PHACTR1: variants seen among roughly 807,000 people sequenced by gnomAD.
PHACTR1 encodes the protein RPEL repeat containing 1.
Under a neutral mutation model 69.2 loss-of-function variants are expected in PHACTR1, and 16 were observed. That is an observed-to-expected ratio of 0.23 (90% CI 0.16 to 0.35). The LOEUF is 0.35. Ranked by LOEUF, PHACTR1 falls within the 10% of genes least tolerant of loss-of-function variation. The pLI is 1.00. For synonymous variants in PHACTR1, 312 were observed against 284.5 expected (o/e 1.10, Z -0.97); for missense variants, 510 against 734.7 (o/e 0.69, Z 3.54).
intron 4 of PHACTR1, among the ~76,000 whole-genome samples, chr6:12,755,617 T>C (rs998822325): frequency 1.3e-5 from 2 of 151,982 alleles, no homozygotes; most frequent in Admixed American, 6.5e-5. Flanking sequence ...ATATTAGTTA[T>C]ATTTTTAATT....
At chr6:12,950,636 C>G (rs548780910) in intron 4 of PHACTR1, among the ~76,000 whole-genome samples, 3 of 152,322 alleles carry the variant, frequency 2.0e-5, no homozygotes, top group Admixed American at 2.0e-4. Flanking sequence ...ACAAAAGGGG[C>G]ATTGTTGTCC....
intron 7 of PHACTR1, 141 bp downstream of exon 7, chr6:13,182,827 A>G (rs1762366118): frequency 4.1e-6 from 3 of 737,626 alleles, no homozygotes; most frequent in Middle Eastern, 4.2e-4. Context: ...GAAACAGATT[A>G]GTTTTTAGTA....
chr6:13,206,194 C>A lies in PHACTR1; in HGVS notation c.986+58C>A, dbSNP rs545182135. 1.3e-4 allele frequency: 185 copies of A among 1,452,350 alleles called. 7 individuals carry two copies. The South Asian group carries it at 2.4e-3, about 18-fold the overall frequency. 90.0% of individuals were successfully genotyped at this position (1,452,350 alleles called of 1,614,324 possible). A position where few individuals can be genotyped will look rare whatever the true frequency, so the allele number is the denominator to read the frequency against. ...GAGAGGGGTTGGCTGGGGAGGGGGG[C>A]CTAGGGATTTGGACCATGACTTAGG... On this transcript the variant is annotated intron_variant, in intron 8 of 14. Transcript: ENST00000332995.
intron 3 of PHACTR1, among the ~76,000 whole-genome samples, chr6:12,720,267 A>G (rs1761930343): frequency 6.6e-6 from 1 of 152,222 alleles, no homozygotes; most frequent in Non-Finnish European, 1.5e-5. Context: ...TGAGACAATA[A>G]TGCTCCGTAG....
chr6:13,132,594 A>G (rs542306095), intron 5 of PHACTR1, among the ~76,000 whole-genome samples: 2 of 152,312 alleles, frequency 1.3e-5, no homozygotes, highest in East Asian at 1.9e-4. Flanking sequence ...TAAAGTGAGT[A>G]TTTCAGTAAA....
At chr6:12,980,681 C>G (rs1016044715) in intron 4 of PHACTR1, among the ~76,000 whole-genome samples, 1 of 151,982 alleles carries the variant, frequency 6.6e-6, no homozygotes, top group Non-Finnish European at 1.5e-5. Context: ...TCTACGAAAA[C>G]TATTTGAGAC....
chr6:12,731,921 T>C (rs773571406), intron 3 of PHACTR1, among the ~76,000 whole-genome samples: 3 of 151,966 alleles, frequency 2.0e-5, no homozygotes, highest in African/African-American at 4.8e-5. Context: ...AATGTGGCAA[T>C]GGAGCCATTT....
At chr6:12,863,864 A>T (rs1343736961) in intron 4 of PHACTR1, among the ~76,000 whole-genome samples, 1 of 121,538 alleles carries the variant, frequency 8.2e-6, no homozygotes, top group Non-Finnish European at 1.9e-5. Flanking sequence ...AGGAGCAACA[A>T]TTGCTGAGGG....
At chr6:12,828,854 A>G (rs1777096859) in intron 4 of PHACTR1, among the ~76,000 whole-genome samples, 1 of 152,154 alleles carries the variant, frequency 6.6e-6, no homozygotes, top group Admixed American at 6.6e-5. Context: ...TGGTTAATGA[A>G]TACAAAATTA....
At chr6:13,004,059 T>C (rs1798486281) in intron 4 of PHACTR1, among the ~76,000 whole-genome samples, 1 of 149,288 alleles carries the variant, frequency 6.7e-6, no homozygotes, top group South Asian at 2.1e-4. Context: ...TTTGCTATTG[T>C]GAATAGTGCT....
intron 4 of PHACTR1, among the ~76,000 whole-genome samples, chr6:13,045,803 A>G (rs189550312): frequency 6.6e-6 from 1 of 152,340 alleles, no homozygotes; most frequent in Admixed American, 6.5e-5. Flanking sequence ...TACACCTATG[A>G]TGAAAGCATC....
Position 13,162,646 on chromosome 6 carries a change from G to A in PHACTR1, c.496+2362G>A, listed in dbSNP as rs138001731. ...GAATATTCTGAAGTAGAGAATACAT[G>A]TACAGTAGCATTTATTATTTCCGTT... On this transcript the variant is annotated intron_variant, in intron 6 of 14. Transcript: ENST00000332995. Among the ~76,000 whole-genome samples the A allele has an allele frequency of 6.6e-3, 1,012 of 152,268 alleles. 13 individuals are homozygous for A. The highest frequency in any genetic ancestry group is 0.023 in the African/African-American group (968 of 41,552).
intron 5 of PHACTR1, among the ~76,000 whole-genome samples, chr6:13,074,821 C>G (rs1810161299): frequency 6.6e-6 from 1 of 152,128 alleles, no homozygotes; most frequent in Non-Finnish European, 1.5e-5. Context: ...AAGAAGACGT[C>G]TATCTTCAGA....
At chr6:12,965,981 C>T (rs929959800) in intron 4 of PHACTR1, among the ~76,000 whole-genome samples, 3 of 152,058 alleles carry the variant, frequency 2.0e-5, no homozygotes, top group South Asian at 2.1e-4. Flanking sequence ...TTAAAGGGCC[C>T]GGACATGGCG....
intron 5 of PHACTR1, among the ~76,000 whole-genome samples, chr6:13,074,645 A>G (rs531441405): frequency 6.6e-6 from 1 of 152,194 alleles, no homozygotes; most frequent in African/African-American, 2.4e-5. Flanking sequence ...ACATATATAT[A>G]CTTGCAGAAA....
intron 5 of PHACTR1, among the ~76,000 whole-genome samples, chr6:13,083,854 A>G (rs1185043731): frequency 1.3e-5 from 2 of 152,074 alleles, no homozygotes; most frequent in African/African-American, 2.4e-5. Context: ...GGCTGAGATG[A>G]TGGGGTTTTC....
At chr6:12,785,149 C>T (rs1283416036) in intron 4 of PHACTR1, among the ~76,000 whole-genome samples, 1 of 152,008 alleles carries the variant, frequency 6.6e-6, no homozygotes, top group African/African-American at 2.4e-5. Flanking sequence ...GATTGAACTC[C>T]CCATAGGAGT....
chr6:13,040,853 A>C (rs1240357828), intron 4 of PHACTR1, among the ~76,000 whole-genome samples: 1 of 152,168 alleles, frequency 6.6e-6, no homozygotes, highest in African/African-American at 2.4e-5. Context: ...TTTTGTAGTT[A>C]AGGAAATGTA....
intron 10 of PHACTR1, among the ~76,000 whole-genome samples, chr6:13,263,549 G>A (rs1293387355): frequency 6.6e-6 from 1 of 152,064 alleles, no homozygotes; most frequent in Non-Finnish European, 1.5e-5. Flanking sequence ...ATAAACCAGG[G>A]TCACATATAT....
Sources: allele counts gnomAD v4.1 joint callset (sites outside exome capture counted in the v4.1 genomes callset), GRCh38; gene constraint gnomAD v4.1.1; transcripts MANE v1.5; gene names NCBI Gene and HGNC (gene_info 2026-07-23, HGNC 2026-07-21).